The following TET3 variants were observed in gnomAD, a reference collection of about 807,000 sequenced individuals.
TET3 encodes the protein methylcytosine dioxygenase TET3.
Under a neutral mutation model 141.4 loss-of-function variants are expected in TET3, and 19 were observed. The ratio of observed to expected loss-of-function variants is 0.13; its 90% CI spans 0.09 to 0.20. The LOEUF is 0.20. TET3 is among the 10% of genes least tolerant of loss of function. The pLI is 1.00. For synonymous variants in TET3, 1,043 were observed against 980.9 expected (o/e 1.06, Z -1.18); for missense variants, 1,874 against 2,356.9 (o/e 0.80, Z 4.24).
intron 3 of TET3, among the ~76,000 whole-genome samples, chr2:74,017,629 C>A (rs1480957793): frequency 6.6e-6 from 1 of 152,074 alleles, no homozygotes; most frequent in African/African-American, 2.4e-5. Flanking sequence ...ACCACGTGTT[C>A]TTTATCCATT....
the TET3 span, among the ~76,000 whole-genome samples, chr2:74,114,030 A>G: frequency 6.6e-6 from 1 of 152,232 alleles, no homozygotes; most frequent in African/African-American, 2.4e-5. Context: ...ATCTGGAGGT[A>G]TCACACTATC....
the TET3 span, among the ~76,000 whole-genome samples, chr2:74,118,907 C>T: frequency 3.3e-5 from 5 of 152,172 alleles, no homozygotes; most frequent in Non-Finnish European, 5.9e-5. Context: ...ATTTATCCAA[C>T]TTTTGCAATA....
chr2:73,993,105 C>A (rs1160422800), intron 2 of TET3: 1 of 152,176 alleles, frequency 6.6e-6, no homozygotes, highest in Non-Finnish European at 1.5e-5. Flanking sequence ...GGTGCCTGGG[C>A]CCCACTCCCA....
downstream of TET3, among the ~76,000 whole-genome samples, chr2:74,109,041 T>C (rs1432962709): frequency 6.6e-6 from 1 of 150,752 alleles, no homozygotes; most frequent in Non-Finnish European, 1.5e-5. Context: ...CAAACATGTT[T>C]ATATGTTTTA....
chr2:74,002,500 TGGGATGCCCC>T (rs1684905846), intron 2 of TET3, among the ~76,000 whole-genome samples: 1 of 151,572 alleles, frequency 6.6e-6, no homozygotes, highest in South Asian at 2.1e-4. Flanking sequence ...GGGGGTGCCC[TGGGATGCCCC>T]AGCCTGCCGG....
intron 10 of TET3, among the ~76,000 whole-genome samples, chr2:74,094,769 A>G (rs1206137087): frequency 6.6e-6 from 1 of 152,194 alleles, no homozygotes; most frequent in Non-Finnish European, 1.5e-5. Context: ...GGAGCACTCC[A>G]AGGCTTTTTG....
chr2:74,085,831 A>T (rs1690124583), intron 6 of TET3, among the ~76,000 whole-genome samples: 1 of 152,092 alleles, frequency 6.6e-6, no homozygotes, highest in African/African-American at 2.4e-5. Context: ...CTCCCAGTTA[A>T]CTTGCCAGTA....
At chr2:74,025,390 G>T (rs903419279) in intron 3 of TET3, among the ~76,000 whole-genome samples, 1 of 149,978 alleles carries the variant, frequency 6.7e-6, no homozygotes, top group Non-Finnish European at 1.5e-5. Flanking sequence ...CCGGCTTCAC[G>T]CCATTCTCCT....
Position 74,076,843 on chromosome 2 carries a change from G to C in TET3, c.2585+3204G>C, listed in dbSNP as rs147250605. Among the ~76,000 whole-genome samples the C allele has an allele frequency of 7.7e-3, 1,179 of 152,280 alleles. 14 individuals carry two copies. The highest frequency in any genetic ancestry group is 0.018 in the African/African-American group (741 of 41,560). On this transcript the variant is annotated intron_variant, in intron 5 of 11. Transcript: ENST00000409262. The stretch of plus-strand genomic sequence containing the variant: ...AGGAGTTGGCTGAAGGCAGGGAGGG[G>C]AAGTAAACTGAAATCAGGGAAACCT...
intron 10 of TET3, among the ~76,000 whole-genome samples, chr2:74,095,627 G>A (rs141000631): frequency 1.2e-4 from 18 of 152,254 alleles, no homozygotes; most frequent in African/African-American, 3.9e-4. Flanking sequence ...ACCCAGATGG[G>A]GTCACATTAT....
chr2:74,028,747 C>A (rs1053663453), intron 3 of TET3, among the ~76,000 whole-genome samples: 1 of 152,184 alleles, frequency 6.6e-6, no homozygotes, highest in African/African-American at 2.4e-5. Flanking sequence ...TTAAAAATTT[C>A]TAATTCATGG....
At chr2:74,092,128 AC>A (rs1326840244) in intron 8 of TET3, among the ~76,000 whole-genome samples, 2 of 151,946 alleles carry the variant, frequency 1.3e-5, no homozygotes, top group Non-Finnish European at 2.9e-5. Context: ...ACACGGCAAA[AC>A]CCCATCTCTA....
intron 3 of TET3, among the ~76,000 whole-genome samples, chr2:74,044,702 G>T (rs1687522921): frequency 6.6e-6 from 1 of 152,204 alleles, no homozygotes; most frequent in South Asian, 2.1e-4. Flanking sequence ...AAAATTCAAA[G>T]TATGGTTTCT....
chr2:74,093,740 A>G lies in TET3; in HGVS notation c.3267+74A>G. ...GGAGTCCACCGTGGTCTTTTCAGAA[A>G]GGCAGGCTGAGGGTAGGGAGGGACC... is the stretch of plus-strand genomic sequence containing the variant. On this transcript the variant is annotated intron_variant, in intron 10 of 11. Coordinates refer to ENST00000409262, the MANE Select transcript of TET3 (RefSeq NM_001287491.2). This position sits in a 1 kb window ranked among gnomAD's most constrained non-coding sequence, Gnocchi z 4.2. 6.9e-7 allele frequency: 1 copy of G among 1,444,538 alleles called. No individual in the cohort carries two copies. 89.5% of individuals were successfully genotyped at this position (1,444,538 alleles called of 1,614,324 possible).
intron 4 of TET3, among the ~76,000 whole-genome samples, chr2:74,065,555 G>GTT (rs67114907): frequency 8.4e-4 from 106 of 125,650 alleles, no homozygotes; most frequent in Non-Finnish European, 1.6e-3. Context: ...TCTTTTTTTT[G>GTT]TTTTTTTTTT....
In TET3 at chr2:73,986,721, G is replaced by T; in HGVS notation, c.303+15G>T. The T allele has an allele frequency of 8.1e-7, 1 of 1,231,928 alleles. No individual in the cohort carries two copies. Among genetic ancestry groups the T allele is most frequent in the Non-Finnish European group, 1.0e-6 (1 of 987,998 alleles). 76.3% of individuals were successfully genotyped at this position (1,231,928 alleles called of 1,614,324 possible). A position where few individuals can be genotyped will look rare whatever the true frequency, so the allele number is the denominator to read the frequency against. ...TTCTCAAGGAGGTAAGCCGGCCCTT[G>T]CTGGGCTACCCTGTTCCTTCCTCGA... On this transcript the variant is annotated intron_variant, in intron 2 of 11. Coordinates refer to ENST00000409262, the MANE Select transcript of TET3 (RefSeq NM_001287491.2).
chr2:74,121,521 G>A, the TET3 span: 2 of 152,220 alleles, frequency 1.3e-5, no homozygotes, highest in African/African-American at 4.8e-5. Flanking sequence ...TGCCAATAAG[G>A]TGCTTGATAA....
At chr2:74,073,145 G>T (rs2103936167) in intron 4 of TET3, among the ~76,000 whole-genome samples, 1 of 152,270 alleles carries the variant, frequency 6.6e-6, no homozygotes, top group Non-Finnish European at 1.5e-5. Flanking sequence ...AATGTTTTTG[G>T]CCGGGTGCGG....
intron 6 of TET3, among the ~76,000 whole-genome samples, chr2:74,082,030 C>T (rs1236625888): frequency 2.0e-5 from 3 of 151,474 alleles, no homozygotes; most frequent in South Asian, 2.1e-4. Context: ...AGACGTCAGC[C>T]GTAGAGTGAC....
Sources: gnomAD v4.1 joint callset for allele counts (sites outside exome capture counted in the v4.1 genomes callset) on GRCh38, gnomAD v4.1.1 for gene constraint, Gnocchi (gnomAD v3.1) non-coding constraint, MANE v1.5 for transcripts, NCBI Gene and HGNC (gene_info 2026-07-23, HGNC 2026-07-21) for gene names.